The following DLG2 variants were observed in gnomAD, a reference collection of about 807,000 sequenced individuals.
The protein encoded by DLG2 is disks large homolog 2.
DLG2 carries 45 observed loss-of-function variants against 132.5 expected under a neutral mutation model. The ratio of observed to expected loss-of-function variants is 0.34; its 90% confidence interval spans 0.27 to 0.44. DLG2 has a LOEUF of 0.44. Ranked by LOEUF, DLG2 falls within the 20% of genes least tolerant of loss-of-function variation. The pLI is 1.00. For missense variants in DLG2, 1,045 were observed against 1,196.9 expected, an observed-to-expected ratio of 0.87 and a Z score of 1.87; for synonymous variants, 424 against 419.6, an observed-to-expected ratio of 1.01 and a Z score of -0.13.
chr11:83,743,299 C>A lies in DLG2; in HGVS notation c.1825+43391G>T, dbSNP rs551514453. 3.3e-5 allele frequency among the ~76,000 whole-genome samples: 5 copies of A among 152,210 alleles called. No individual in the cohort carries two copies. In the South Asian group the frequency reaches 1.0e-3, roughly 32 times the overall value. On this transcript the variant is annotated intron_variant, in intron 18 of 27. Transcript: ENST00000376104. The stretch of plus-strand genomic sequence containing the variant: ...CCCTGCATCTAAGAGGTCATGAAAT[C>A]CTGTCAGTTTTACTGCAGAAATATC...
chr11:83,856,296 T>C (rs756514028), intron 16 of DLG2, among the ~76,000 whole-genome samples: 10 of 152,256 alleles, frequency 6.6e-5, no homozygotes, highest in Admixed American at 2.0e-4. Flanking sequence ...AATGAACATA[T>C]GCTTGAATTT....
chr11:84,659,514 T>C (rs1417771053), intron 6 of DLG2, among the ~76,000 whole-genome samples: 1 of 152,186 alleles, frequency 6.6e-6, no homozygotes, highest in African/African-American at 2.4e-5. Flanking sequence ...GGCATGACAG[T>C]GCTTTTATGA....
chr11:83,573,202 G>A (rs946206039), intron 19 of DLG2, among the ~76,000 whole-genome samples: 14 of 152,086 alleles, frequency 9.2e-5, no homozygotes, highest in African/African-American at 3.4e-4. Flanking sequence ...ATGAAGTTAT[G>A]TAACATGTGA....
At chr11:83,698,767 G>C (rs756540765) in intron 18 of DLG2, among the ~76,000 whole-genome samples, 8 of 152,086 alleles carry the variant, frequency 5.3e-5, no homozygotes, top group South Asian at 2.1e-4. Flanking sequence ...CTCATCCTAC[G>C]TTATCTCTTC....
chr11:84,001,671 C>T (rs2094352903), intron 11 of DLG2, among the ~76,000 whole-genome samples: 2 of 152,032 alleles, frequency 1.3e-5, no homozygotes, highest in Non-Finnish European at 2.9e-5. Flanking sequence ...AAACATTATC[C>T]AGGATAGTAG....
chr11:83,926,373 C>T (rs879471032), intron 15 of DLG2, among the ~76,000 whole-genome samples: 1 of 152,126 alleles, frequency 6.6e-6, no homozygotes, highest in Non-Finnish European at 1.5e-5. Flanking sequence ...GCCATAACTG[C>T]TATATCAATA....
At position 84,433,337 on chromosome 11, in the gene DLG2, A is replaced by C. The variant is rs1037496590; in HGVS notation, c.519+101233T>G. Among the ~76,000 whole-genome samples the C allele has an allele frequency of 3.3e-5, 5 of 152,296 alleles. No individual in the cohort carries two copies. In the South Asian group the frequency reaches 1.0e-3, roughly 32 times the overall value. On this transcript the variant is annotated intron_variant, in intron 7 of 27. Transcript: ENST00000376104. ...CTACGTAACCAGAAATTGCACTTTC[A>C]ATTTATCTTAAAGATTCTTCAACTG...
At chr11:85,206,520 C>CTTT (rs2081904591) in intron 4 of DLG2, among the ~76,000 whole-genome samples, 1 of 151,992 alleles carries the variant, frequency 6.6e-6, no homozygotes, top group Non-Finnish European at 1.5e-5. Context: ...TATGAAAGCA[C>CTTT]CAAATACATG....
chr11:84,462,482 C>T (rs2154486023), intron 7 of DLG2, among the ~76,000 whole-genome samples: 1 of 151,112 alleles, frequency 6.6e-6, no homozygotes, highest in Non-Finnish European at 1.5e-5. Flanking sequence ...GTAGAAGAAA[C>T]ATTGCCCAGC....
intron 6 of DLG2, among the ~76,000 whole-genome samples, chr11:84,816,920 A>G (rs1454155441): frequency 6.6e-6 from 1 of 152,030 alleles, no homozygotes; most frequent in Non-Finnish European, 1.5e-5. Context: ...GGTCTTTGCC[A>G]AGTCATCTAA....
At chr11:85,537,742 C>T (rs1461652836) in intron 3 of DLG2, among the ~76,000 whole-genome samples, 1 of 151,948 alleles carries the variant, frequency 6.6e-6, no homozygotes, top group Non-Finnish European at 1.5e-5. Flanking sequence ...GTCAGTGAGA[C>T]CACGAACCCA....
chr11:84,461,959 T>G lies in DLG2; in HGVS notation c.519+72611A>C, dbSNP rs547088222. Among the ~76,000 whole-genome samples the G allele has an allele frequency of 9.3e-5, 14 of 150,696 alleles. No homozygotes were observed. In the South Asian group the frequency reaches 2.9e-3, roughly 31 times the overall value. On this transcript the variant is annotated intron_variant, in intron 7 of 27. Transcript: ENST00000376104. ...GAGTCTCTGTAGTCCTAAAAAAAAA[T>G]CAGTTCAGATGATAGGAAAAGACAT...
intron 18 of DLG2, among the ~76,000 whole-genome samples, chr11:83,675,322 A>G (rs1238253718): frequency 6.6e-6 from 1 of 152,250 alleles, no homozygotes; most frequent in African/African-American, 2.4e-5. Context: ...TCTCATTCGC[A>G]AAGTGATATA....
chr11:83,629,178 G>A (rs952154923), intron 19 of DLG2, among the ~76,000 whole-genome samples: 12 of 151,948 alleles, frequency 7.9e-5, no homozygotes, highest in East Asian at 1.9e-4. Flanking sequence ...TCTTCCCTTC[G>A]TCTGTCTTCC....
chr11:85,143,318 C>T (rs2076618975), intron 5 of DLG2, among the ~76,000 whole-genome samples: 2 of 151,440 alleles, frequency 1.3e-5, no homozygotes, highest in Admixed American at 6.6e-5. Context: ...CTAGATTTTC[C>T]AATTCTTTGG....
chr11:83,644,943 G>GT (rs1248883561), intron 18 of DLG2, among the ~76,000 whole-genome samples: 6 of 151,898 alleles, frequency 4.0e-5, no homozygotes, highest in South Asian at 2.1e-4. Context: ...GCCATTGAGT[G>GT]TTTTTTTAAG....
rs192169608 is a variant in DLG2, at chr11:84,030,355, G to T, written c.919+28960C>A. On this transcript the variant is annotated intron_variant, in intron 11 of 27. Transcript: ENST00000376104. ...ATGCTTCCTATTGGTTAGAGTTTTT[G>T]AATAACTCCCCCAATTTTCCCATAT... 3.5e-3 allele frequency among the ~76,000 whole-genome samples: 539 copies of T among 152,116 alleles called. 3 individuals carry two copies. The highest frequency in any genetic ancestry group is 0.014 in the Admixed American group (214 of 15,254).
At chr11:83,613,690 G>A (rs1164175809) in intron 19 of DLG2, among the ~76,000 whole-genome samples, 1 of 152,090 alleles carries the variant, frequency 6.6e-6, no homozygotes, top group African/African-American at 2.4e-5. Flanking sequence ...AGACTTCCAT[G>A]CAAGAAATCT....
chr11:84,254,526 G>C (rs901481958), intron 7 of DLG2, among the ~76,000 whole-genome samples: 8 of 152,130 alleles, frequency 5.3e-5, no homozygotes, highest in Non-Finnish European at 1.0e-4. Context: ...AGGTATAAAG[G>C]AAAGTAATAT....
Sources: allele counts gnomAD v4.1 joint callset (sites outside exome capture counted in the v4.1 genomes callset), GRCh38; gene constraint gnomAD v4.1.1; transcripts MANE v1.5; gene names NCBI Gene and HGNC (gene_info 2026-07-23, HGNC 2026-07-21).